TRAPPC8: variants seen among roughly 807,000 people sequenced by gnomAD.
The protein encoded by TRAPPC8 is trafficking protein particle complex subunit 8, also known as general sporulation gene 1 homolog.
A neutral mutation model predicts 174.3 loss-of-function variants in TRAPPC8; 54 were observed. The observed-to-expected ratio is 0.31, with a 90% CI of 0.25 to 0.39. TRAPPC8 has a LOEUF of 0.39. Ranked by LOEUF, TRAPPC8 falls within the 10% of genes least tolerant of loss-of-function variation. The probability of loss-of-function intolerance (pLI) is 1.00; values close to 1 mark genes in which losing one functional copy is unlikely to be tolerated. For missense variants in TRAPPC8, 1,531 were observed against 1,699.1 expected (o/e 0.90, Z 1.74); for synonymous variants, 630 against 579.9 (o/e 1.09, Z -1.24).
Position 31,901,071 on chromosome 18 carries a change from C to T in TRAPPC8, c.1390-46G>A, listed in dbSNP as rs534123058. 2.1e-4 allele frequency: 313 copies of T among 1,504,556 alleles called. 1 individual carries two copies. The South Asian group carries it at 3.7e-3, about 18-fold the overall frequency. 93.2% of individuals were successfully genotyped at this position (1,504,556 alleles called of 1,614,324 possible). On this transcript the variant is annotated intron_variant, in intron 9 of 28. Coordinates refer to ENST00000283351, the MANE Select transcript of TRAPPC8 (RefSeq NM_014939.5). ...TACATATTTCAAAAGAAGAAACAGT[C>T]TTACAGTTTAGATGGGAAACTAAAA...
chr18:31,908,941 A>G lies in TRAPPC8; in HGVS notation c.935T>C (p.Ile312Thr). 6.2e-7 allele frequency: 1 copy of G among 1,613,768 alleles called. No homozygotes were observed. Among genetic ancestry groups the G allele is most frequent in the Non-Finnish European group, 8.5e-7 (1 of 1,179,790 alleles). Residue 312 changes from isoleucine to threonine, a missense_variant, in exon 7 of 29, where the codon ATT (isoleucine) becomes ACT (threonine). Coordinates refer to ENST00000283351, the MANE Select transcript of TRAPPC8 (RefSeq NM_014939.5). ...AGATCTTAGATGATCTGGGCCATCA[A>G]TACTGTTAGAAGGGTCACTGGATTG... ...LEQSSDPSNS[I>T]DGPDHLRSAS...
intron 5 of TRAPPC8, among the ~76,000 whole-genome samples, chr18:31,910,136 C>T (rs146052447): frequency 1.2e-3 from 175 of 152,076 alleles, no homozygotes; most frequent in African/African-American, 3.7e-3. Flanking sequence ...TAGAGTCAGA[C>T]GGGGAAAGAA....
rs914581947 is a variant in TRAPPC8 at position 31,867,551 on chromosome 18, A to G, written c.2389-75T>C. On this transcript the variant is annotated intron_variant, in intron 16 of 28. Coordinates refer to ENST00000283351, the MANE Select transcript of TRAPPC8 (RefSeq NM_014939.5). ...ATTATTAACACTCCTATATATCAAT[A>G]CTTCAAAAAAATAACACTAATTAAA... is the stretch of plus-strand genomic sequence containing the variant. The G allele has an allele frequency of 3.1e-6, 3 of 977,792 alleles. No individual in the cohort carries two copies. In the African/African-American group the frequency reaches 5.0e-5, roughly 16 times the overall value. The allele number at this position is 977,792 out of a possible 1,614,324, so 60.6% of individuals were successfully genotyped here. A position where few individuals can be genotyped will look rare whatever the true frequency, so the allele number is the denominator to read the frequency against.
chr18:31,848,708 G>T (rs981396903), intron 25 of TRAPPC8, among the ~76,000 whole-genome samples: 1 of 152,110 alleles, frequency 6.6e-6, no homozygotes, highest in African/African-American at 2.4e-5. Flanking sequence ...CATGTCTCTT[G>T]CATCAAACAA....
chr18:31,843,947 G>A (rs1344634256), intron 26 of TRAPPC8, among the ~76,000 whole-genome samples: 1 of 152,116 alleles, frequency 6.6e-6, no homozygotes, highest in East Asian at 1.9e-4. Flanking sequence ...TGCTTACAGA[G>A]TATGAGGACC....
chr18:31,917,703 T>G, intron 2 of TRAPPC8, 36 bp from the exon 3 acceptor site: 1 of 1,564,434 alleles, frequency 6.4e-7, no homozygotes, highest in Non-Finnish European at 8.8e-7. Flanking sequence ...TTAAAAGTAT[T>G]CAATAGAATC....
In TRAPPC8 at chr18:31,907,613, G is replaced by A; in HGVS notation, c.1239-3C>T. 1 of 1,596,238 alleles carries A rather than the reference G, an allele frequency of 6.3e-7. No homozygotes were observed. Among genetic ancestry groups the A allele is most frequent in the Non-Finnish European group, 8.5e-7 (1 of 1,170,630 alleles). On this transcript the variant is annotated splice_polypyrimidine_tract_variant and splice_region_variant and intron_variant, in intron 8 of 28. Coordinates refer to ENST00000283351, the MANE Select transcript of TRAPPC8 (RefSeq NM_014939.5). ...GTTCTGGTGCTTCCGGCGGATACCTGTAAATACAAAAGAAAATAATTTATA... is the reference window on the plus strand; with the variant it reads ...GTTCTGGTGCTTCCGGCGGATACCTATAAATACAAAAGAAAATAATTTATA...
intron 2 of TRAPPC8, among the ~76,000 whole-genome samples, chr18:31,923,407 T>A (rs752782573): frequency 1.3e-5 from 2 of 152,182 alleles, no homozygotes; most frequent in Admixed American, 6.5e-5. Flanking sequence ...CCAATTACTG[T>A]ACCAAGGAAT....
intron 1 of TRAPPC8, among the ~76,000 whole-genome samples, chr18:31,938,331 A>C (rs927332147): frequency 1.3e-5 from 2 of 151,754 alleles, no homozygotes; most frequent in African/African-American, 2.4e-5. Context: ...TAACAATCAC[A>C]GAAAATACAT....
chr18:31,921,351 C>T (rs568279148), intron 2 of TRAPPC8, among the ~76,000 whole-genome samples: 3 of 152,094 alleles, frequency 2.0e-5, no homozygotes, highest in Non-Finnish European at 4.4e-5. Flanking sequence ...CGGTGGCTCA[C>T]GCCTGTAATC....
intron 12 of TRAPPC8, among the ~76,000 whole-genome samples, chr18:31,879,971 T>TA (rs1218021865): frequency 6.9e-4 from 75 of 108,176 alleles, no homozygotes; most frequent in Middle Eastern, 6.1e-3. Context: ...CATCAGTAAT[T>TA]AAAAAAAAAA....
chr18:31,880,108 T>C, intron 12 of TRAPPC8, among the ~76,000 whole-genome samples: 1 of 91,292 alleles, frequency 1.1e-5, no homozygotes, highest in African/African-American at 4.5e-5. Flanking sequence ...TATATATATA[T>C]ATATATATAT....
rs1177452729 is a variant in TRAPPC8 at position 31,873,616 on chromosome 18, A to G, written c.1954-78T>C. The G allele has an allele frequency of 4.3e-6, 4 of 938,410 alleles. No homozygotes were observed. The African/African-American group carries it at 5.0e-5, about 12-fold the overall frequency. 58.1% of individuals were successfully genotyped at this position (938,410 alleles called of 1,614,324 possible). On this transcript the variant is annotated intron_variant, in intron 13 of 28. Coordinates refer to ENST00000283351, the MANE Select transcript of TRAPPC8 (RefSeq NM_014939.5). ...TATTTGTTTCCTCGTTTCTTAATAC[A>G]CAAGGCATTAAAAATATGTTAAGCA...
At chr18:31,884,728 TGG>T (rs1277310268) in intron 12 of TRAPPC8, among the ~76,000 whole-genome samples, 1 of 152,116 alleles carries the variant, frequency 6.6e-6, no homozygotes, top group East Asian at 1.9e-4. Flanking sequence ...TTTTCTTGGC[TGG>T]GTGTTGTAGC....
At chr18:31,907,632 A>C in intron 8 of TRAPPC8, 22 bp from the exon 9 acceptor site, 11 of 1,556,024 alleles carry the variant, frequency 7.1e-6, no homozygotes, top group Non-Finnish European at 9.6e-6. Context: ...AAAGAAAATA[A>C]TTTATAATTT....
At chr18:31,895,385 G>A (rs2036139750) in intron 11 of TRAPPC8, among the ~76,000 whole-genome samples, 1 of 152,106 alleles carries the variant, frequency 6.6e-6, no homozygotes, top group South Asian at 2.1e-4. Context: ...AGGCCATTAA[G>A]AATCACGATT....
intron 9 of TRAPPC8, among the ~76,000 whole-genome samples, chr18:31,902,483 A>G (rs576201926): frequency 1.3e-4 from 20 of 152,256 alleles, no homozygotes; most frequent in African/African-American, 4.6e-4. Flanking sequence ...TTTAAGTGGG[A>G]GGTTGAATAG....
chr18:31,852,577 A>G lies in TRAPPC8; in HGVS notation c.3502+18T>C, dbSNP rs374283296. On this transcript the variant is annotated intron_variant, in intron 23 of 28. Transcript: ENST00000283351. ...TAAAATGACCATTTAGTAAAGTGTA[A>G]AAGTAAAGTGAATTTACCTTCTTCT... 6.2e-7 allele frequency: 1 copy of G among 1,614,024 alleles called. No individual in the cohort carries two copies. The highest frequency in any genetic ancestry group is 8.5e-7 in the Non-Finnish European group (1 of 1,179,936).
intron 2 of TRAPPC8, among the ~76,000 whole-genome samples, chr18:31,919,591 A>AATAAAAT (rs1555679139): frequency 1.5e-5 from 1 of 64,994 alleles, no homozygotes; most frequent in African/African-American, 4.5e-5. Context: ...TAAATAAATA[A>AATAAAAT]AATAATAATA....
Sources: gnomAD v4.1 joint callset for allele counts (sites outside exome capture counted in the v4.1 genomes callset) on GRCh38, gnomAD v4.1.1 for gene constraint, MANE v1.5 for transcripts, NCBI Gene and HGNC (gene_info 2026-07-23, HGNC 2026-07-21) for gene names.